The following CDH4 variants were observed in gnomAD, a reference collection of about 807,000 sequenced individuals.
The protein encoded by CDH4 is cadherin 4, also known as cadherin-4.
Under a neutral mutation model 86.0 loss-of-function variants are expected in CDH4, and 33 were observed. That is an observed-to-expected ratio of 0.38 (90% CI 0.29 to 0.51). The LOEUF is 0.51. Among genes scored for constraint, CDH4 ranks in the 20% least tolerant of loss-of-function variants. CDH4 has a pLI of 0.86. For synonymous variants in CDH4, 555 were observed against 549.4 expected (o/e 1.01, Z -0.14); for missense variants, 1,114 against 1,307.4 (o/e 0.85, Z 2.28).
intron 7 of CDH4, among the ~76,000 whole-genome samples, chr20:61,890,433 CGGGTGGATGGAT>C (rs1568869734): frequency 1.3e-5 from 2 of 150,080 alleles, no homozygotes; most frequent in Non-Finnish European, 1.5e-5. Context: ...GGATAGATGA[CGGGTGGATGGAT>C]GGATGGATAA....
rs889676338 is a variant in CDH4 at position 61,516,940 on chromosome 20, A to G, written c.170-226623A>G. ...CTCCAGCGAGTCCTGTGTTTGTAAC[A>G]TGGGGTGTTTTCAATGTATTGGGAT... On this transcript the variant is annotated intron_variant, in intron 2 of 15. Transcript: ENST00000614565. The surrounding 1 kb of genome is among the most constrained non-coding windows in gnomAD (Gnocchi z 4.0). 5.3e-5 allele frequency among the ~76,000 whole-genome samples: 8 copies of G among 152,114 alleles called. No individual in the cohort carries two copies. The highest frequency in any genetic ancestry group is 1.2e-4 in the Non-Finnish European group (8 of 68,028).
intron 8 of CDH4, among the ~76,000 whole-genome samples, chr20:61,900,641 G>A (rs1985352657): frequency 6.6e-6 from 1 of 152,202 alleles, no homozygotes; most frequent in Non-Finnish European, 1.5e-5. Flanking sequence ...CCTCAGCCTG[G>A]GGGTCAAGAC....
chr20:61,591,162 G>A (rs1031146087), intron 2 of CDH4, among the ~76,000 whole-genome samples: 5 of 152,134 alleles, frequency 3.3e-5, no homozygotes, highest in South Asian at 4.2e-4. Flanking sequence ...TACAAGAGGC[G>A]GACCCACTGA....
At chr20:61,658,449 C>T (rs1362993144) in intron 2 of CDH4, among the ~76,000 whole-genome samples, 1 of 152,222 alleles carries the variant, frequency 6.6e-6, no homozygotes, top group Non-Finnish European at 1.5e-5. Flanking sequence ...CTCAGAGACA[C>T]TTCCTTCCAC....
At chr20:61,561,923 T>C (rs978115178) in intron 2 of CDH4, among the ~76,000 whole-genome samples, 2 of 152,122 alleles carry the variant, frequency 1.3e-5, no homozygotes, top group Non-Finnish European at 2.9e-5. Context: ...GACCATATGA[T>C]GGCAGTAATG....
At chr20:61,522,690 C>T (rs901918587) in intron 2 of CDH4, among the ~76,000 whole-genome samples, 1 of 152,208 alleles carries the variant, frequency 6.6e-6, no homozygotes, top group African/African-American at 2.4e-5. Context: ...CAGCGCTGCC[C>T]TTGTTCACCC....
At chr20:61,794,383 C>T (rs1979411006) in intron 4 of CDH4, among the ~76,000 whole-genome samples, 1 of 152,166 alleles carries the variant, frequency 6.6e-6, no homozygotes, top group East Asian at 1.9e-4. Context: ...GCCCTGGGAA[C>T]CCGTCGTTCC....
At chr20:61,565,334 GT>G (rs2086283234) in intron 2 of CDH4, among the ~76,000 whole-genome samples, 1 of 75,478 alleles carries the variant, frequency 1.3e-5, no homozygotes. Flanking sequence ...CTTGGTGATG[GT>G]GGTAGTGGTC....
chr20:61,840,761 C>T (rs912110419), intron 4 of CDH4, among the ~76,000 whole-genome samples: 7 of 152,190 alleles, frequency 4.6e-5, no homozygotes, highest in African/African-American at 1.7e-4. Flanking sequence ...TGGATTCACT[C>T]GCACAGTATT....
rs2055241108 is a variant in CDH4 at position 61,939,733 on chromosome 20, A to G, written c.*2790A>G. 1 of 152,256 alleles carries G rather than the reference A, an allele frequency of 6.6e-6. No individual in the cohort carries two copies. The highest frequency in any genetic ancestry group is 2.4e-5 in the African/African-American group (1 of 41,468). 9.4% of individuals were successfully genotyped at this position (152,256 alleles called of 1,614,324 possible). On this transcript the variant is annotated 3_prime_UTR_variant, in exon 16 of 16. Transcript: ENST00000614565. ...GGGCATGGTTTGGTTCCTTTAGGGA[A>G]TTTTTGTTTTGCAAACAGGAGAAAC...
intron 2 of CDH4, among the ~76,000 whole-genome samples, chr20:61,578,257 C>T (rs916641729): frequency 4.6e-5 from 7 of 152,144 alleles, no homozygotes; most frequent in African/African-American, 1.4e-4. Flanking sequence ...GTGTTGGGCA[C>T]CAGGGAGAGG....
chr20:61,697,846 C>T (rs188888977), intron 2 of CDH4, among the ~76,000 whole-genome samples: 5 of 152,360 alleles, frequency 3.3e-5, no homozygotes, highest in Middle Eastern at 3.4e-3. Flanking sequence ...ACCTGTCCAC[C>T]TGCCCAGGAG....
intron 11 of CDH4, among the ~76,000 whole-genome samples, chr20:61,926,402 C>A (rs969415743): frequency 6.6e-6 from 1 of 152,194 alleles, no homozygotes; most frequent in Admixed American, 6.5e-5. Context: ...GACGTGGACA[C>A]CCCCCTGCCA....
chr20:61,705,468 G>A (rs754575765), intron 2 of CDH4, among the ~76,000 whole-genome samples: 2 of 152,248 alleles, frequency 1.3e-5, no homozygotes, highest in Non-Finnish European at 2.9e-5. Context: ...CTCAGTGTGG[G>A]AGAGCCGTAG....
rs531547493 is a variant in CDH4, at chr20:61,761,301, G to A, written c.397-11702G>A. Among the ~76,000 whole-genome samples, 12 of 152,294 alleles carry A rather than the reference G, an allele frequency of 7.9e-5. No homozygotes were observed. The South Asian group carries it at 2.3e-3, about 29-fold the overall frequency. On this transcript the variant is annotated intron_variant, in intron 3 of 15. Coordinates refer to ENST00000614565, the MANE Select transcript of CDH4 (RefSeq NM_001794.5). ...GAAGCAATGAGAACAGGAAGACTGC[G>A]AATCAGAGAGATTGAAAAGAGCCAT...
chr20:61,786,755 G>A (rs1978901872), intron 4 of CDH4, among the ~76,000 whole-genome samples: 2 of 152,184 alleles, frequency 1.3e-5, no homozygotes, highest in African/African-American at 4.8e-5. Flanking sequence ...TCTGTGAACA[G>A]GTGTTTAGGA....
chr20:61,654,386 C>G (rs531826773), intron 2 of CDH4, among the ~76,000 whole-genome samples: 2 of 152,312 alleles, frequency 1.3e-5, no homozygotes, highest in South Asian at 4.1e-4. Flanking sequence ...TACAGTCCAG[C>G]TTTGGCTCGG....
At chr20:61,361,726 G>A (rs1043379052) in intron 2 of CDH4, among the ~76,000 whole-genome samples, 4 of 152,206 alleles carry the variant, frequency 2.6e-5, no homozygotes, top group African/African-American at 9.6e-5. Flanking sequence ...CAGGAAAGCG[G>A]TGCAGGCATG....
chr20:61,268,925 A>T (rs1401036956), intron 2 of CDH4, among the ~76,000 whole-genome samples: 1 of 152,196 alleles, frequency 6.6e-6, no homozygotes, highest in Non-Finnish European at 1.5e-5. Flanking sequence ...ATGGGATATT[A>T]CCAAGGCTCT....
Sources: gnomAD v4.1 joint callset for allele counts (sites outside exome capture counted in the v4.1 genomes callset) on GRCh38, gnomAD v4.1.1 for gene constraint, Gnocchi (gnomAD v3.1) non-coding constraint, MANE v1.5 for transcripts, NCBI Gene and HGNC (gene_info 2026-07-23, HGNC 2026-07-21) for gene names.